PPP3CA: variants seen among roughly 807,000 people sequenced by gnomAD.
PPP3CA encodes protein phosphatase 3 catalytic subunit alpha, also known as CAM-PRP catalytic subunit.
In PPP3CA, 14 loss-of-function variants were observed where a neutral mutation model predicts 66.5. That is an observed-to-expected ratio of 0.21 (90% CI 0.14 to 0.33). PPP3CA has a LOEUF of 0.33. Among genes scored for constraint, PPP3CA ranks in the 10% least tolerant of loss-of-function variants. The pLI is 1.00. For missense variants in PPP3CA, 317 were observed against 639.5 expected, an observed-to-expected ratio of 0.50 and a Z score of 5.44; for synonymous variants, 232 against 226.2, an observed-to-expected ratio of 1.03 and a Z score of -0.23.
chr4:101,226,969 C>A, intron 1 of PPP3CA, among the ~76,000 whole-genome samples: 1 of 151,708 alleles, frequency 6.6e-6, no homozygotes, highest in African/African-American at 2.4e-5. Context: ...CGCAGTACTG[C>A]AGGTACAAAT....
intron 1 of PPP3CA, among the ~76,000 whole-genome samples, chr4:101,288,980 CA>C (rs1410765661): frequency 1.3e-5 from 2 of 152,076 alleles, no homozygotes; most frequent in Non-Finnish European, 2.9e-5. Flanking sequence ...TGAGGGTCAT[CA>C]GCAATATCTG....
chr4:101,049,529 G>A (rs1727919373), intron 10 of PPP3CA, among the ~76,000 whole-genome samples: 1 of 151,956 alleles, frequency 6.6e-6, no homozygotes. Context: ...TAAAAGGGAA[G>A]CAGTCATAAT....
rs182607052 is a variant in PPP3CA, at chr4:101,181,742, A to G, written c.259+14174T>C. ...TCTATGATTATATGAATGTTTAGCA[A>G]TATGAATTTGCCATGAGAGGCACAC... On this transcript the variant is annotated intron_variant, in intron 2 of 13. Coordinates refer to ENST00000394854, the MANE Select transcript of PPP3CA (RefSeq NM_000944.5). Among the ~76,000 whole-genome samples the G allele has an allele frequency of 3.8e-3, 580 of 152,252 alleles. 5 individuals are homozygous for G. Among genetic ancestry groups the G allele is most frequent in the African/African-American group, 0.013 (552 of 41,570 alleles).
chr4:101,210,656 C>T (rs1725272877), intron 1 of PPP3CA, among the ~76,000 whole-genome samples: 1 of 152,158 alleles, frequency 6.6e-6, no homozygotes, highest in African/African-American at 2.4e-5. Flanking sequence ...TGCTCTCCAT[C>T]CAAATCCACC....
chr4:101,146,240 T>C (rs1722964433), intron 2 of PPP3CA, among the ~76,000 whole-genome samples: 1 of 152,234 alleles, frequency 6.6e-6, no homozygotes, highest in Non-Finnish European at 1.5e-5. Flanking sequence ...ACAGATTAGG[T>C]AGGAGCTTTG....
intron 10 of PPP3CA, among the ~76,000 whole-genome samples, chr4:101,055,351 C>A (rs991104604): frequency 2.0e-5 from 3 of 152,028 alleles, no homozygotes; most frequent in African/African-American, 7.2e-5. Flanking sequence ...ACTTGGATTT[C>A]TTTTTTCTCT....
rs370786552 is a variant in PPP3CA at position 101,134,736 on chromosome 4, C to T, written c.260-25658G>A. 5.3e-5 allele frequency among the ~76,000 whole-genome samples: 8 copies of T among 152,222 alleles called. No individual in the cohort carries two copies. In the East Asian group the frequency reaches 1.5e-3, roughly 29 times the overall value. The stretch of plus-strand genomic sequence containing the variant: ...TAGCAATCTTATTACTGGGTATATA[C>T]CCAAAGAATAATAAATCATTCTACT... On this transcript the variant is annotated intron_variant, in intron 2 of 13. Transcript: ENST00000394854.
chr4:101,111,377 T>C lies in PPP3CA; in HGVS notation c.260-2299A>G, dbSNP rs1009043356. ...TGACGCTGACACTTTGTATAGCCCA[T>C]GTCTTGCTACTGGCTCTCTCCCTCT... On this transcript the variant is annotated intron_variant, in intron 2 of 13. Transcript: ENST00000394854. Among the ~76,000 whole-genome samples, 5 of 152,136 alleles carry C rather than the reference T, an allele frequency of 3.3e-5. No homozygotes were observed. The East Asian group carries it at 9.6e-4, about 29-fold the overall frequency.
intron 13 of PPP3CA, among the ~76,000 whole-genome samples, chr4:101,028,620 T>G (rs562237312): frequency 1.3e-5 from 2 of 152,340 alleles, no homozygotes; most frequent in African/African-American, 4.8e-5. Flanking sequence ...AGGTTACAAT[T>G]TGATTTAAGA....
In PPP3CA at chr4:101,098,443, G is replaced by C. The variant is rs1172335185; in HGVS notation, c.566C>G (p.Ala189Gly). The C allele has an allele frequency of 7.4e-6, 12 of 1,612,498 alleles. No homozygotes were observed. The highest frequency in any genetic ancestry group is 1.0e-5 in the Non-Finnish European group (12 of 1,179,132). Reference sequence around the variant, plus strand: ...ACACAGGAACTGTTGGTTCATCAGGGCAGCCAGGGGAAGGCAGTCAAAGGC... The same window carrying C: ...ACACAGGAACTGTTGGTTCATCAGGCCAGCCAGGGGAAGGCAGTCAAAGGC... ...MDAFDCLPLA[A>G]LMNQQFLCVH... The change falls in exon 5 of 14, where the codon GCC becomes GGC. Residue 189 changes from alanine to glycine, a missense_variant. Transcript: ENST00000394854.
chr4:101,334,084 G>A (rs545291742), intron 1 of PPP3CA, among the ~76,000 whole-genome samples: 14 of 152,008 alleles, frequency 9.2e-5, no homozygotes, highest in African/African-American at 1.4e-4. Context: ...TCTACTTACC[G>A]AGCAGGAGAT....
At chr4:101,033,585 C>A (rs1490721553) in intron 11 of PPP3CA, among the ~76,000 whole-genome samples, 2 of 152,174 alleles carry the variant, frequency 1.3e-5, no homozygotes, top group Non-Finnish European at 2.9e-5. Context: ...CTAGTTTAAC[C>A]ATTCTCACAA....
At chr4:101,052,084 T>C (rs565021690) in intron 10 of PPP3CA, among the ~76,000 whole-genome samples, 22 of 152,176 alleles carry the variant, frequency 1.4e-4, no homozygotes, top group African/African-American at 4.6e-4. Context: ...GTGAAAATTA[T>C]GCCAGATAAT....
At chr4:101,201,797 T>C (rs996560163) in intron 1 of PPP3CA, among the ~76,000 whole-genome samples, 3 of 152,214 alleles carry the variant, frequency 2.0e-5, no homozygotes, top group Non-Finnish European at 4.4e-5. Context: ...CCTCCTTAGA[T>C]TGGAACACCA....
In PPP3CA at chr4:101,151,456, A is replaced by C. The variant is rs189808980; in HGVS notation, c.260-42378T>G. Among the ~76,000 whole-genome samples the C allele has an allele frequency of 8.9e-4, 135 of 151,464 alleles. 3 individuals are homozygous for C. The East Asian group carries it at 0.025, about 29-fold the overall frequency. Reference sequence around the variant, plus strand: ...ACTCCTGTAGTCCCAGCTACTCTGAAGGTTGAGGCAGAGAATCGCTTGAAC... The same window carrying C: ...ACTCCTGTAGTCCCAGCTACTCTGACGGTTGAGGCAGAGAATCGCTTGAAC... On this transcript the variant is annotated intron_variant, in intron 2 of 13. Transcript: ENST00000394854.
chr4:101,099,277 T>C (rs890968793), intron 4 of PPP3CA, among the ~76,000 whole-genome samples: 4 of 152,150 alleles, frequency 2.6e-5, no homozygotes, highest in Admixed American at 2.6e-4. Context: ...GGGTTGAATT[T>C]GCCCTCCATT....
chr4:101,061,586 C>T (rs1328155036), intron 9 of PPP3CA, among the ~76,000 whole-genome samples: 2 of 152,078 alleles, frequency 1.3e-5, no homozygotes, highest in Admixed American at 1.3e-4. Context: ...TAGAGAACTT[C>T]ACGCCATTAT....
rs1721569991 is a variant in PPP3CA at position 101,109,203 on chromosome 4, G to C, written c.260-125C>G. The C allele has an allele frequency of 5.2e-6, 5 of 965,998 alleles. No individual in the cohort carries two copies. In the South Asian group the frequency reaches 9.1e-5, roughly 18 times the overall value. 59.8% of individuals were successfully genotyped at this position (965,998 alleles called of 1,614,324 possible). A position where few individuals can be genotyped will look rare whatever the true frequency, so the allele number is the denominator to read the frequency against. On this transcript the variant is annotated intron_variant, in intron 2 of 13. Coordinates refer to ENST00000394854, the MANE Select transcript of PPP3CA (RefSeq NM_000944.5). ...ATCTGAGCCAAAACATTCTTTTGCAGAACAAGAAGTACGACAGAAAAGCTA... is the reference window on the plus strand; with the variant it reads ...ATCTGAGCCAAAACATTCTTTTGCACAACAAGAAGTACGACAGAAAAGCTA...
At chr4:101,342,569 C>T (rs1315234656) in intron 1 of PPP3CA, among the ~76,000 whole-genome samples, 5 of 152,192 alleles carry the variant, frequency 3.3e-5, no homozygotes, top group South Asian at 2.1e-4. Flanking sequence ...TTTTGGTTAT[C>T]GGACCCCTTT....
Sources: allele counts gnomAD v4.1 joint callset (sites outside exome capture counted in the v4.1 genomes callset), GRCh38; gene constraint gnomAD v4.1.1; transcripts MANE v1.5; gene names NCBI Gene and HGNC (gene_info 2026-07-23, HGNC 2026-07-21).